MINDY3: variants seen among roughly 807,000 people sequenced by gnomAD.
MINDY3 encodes the protein MINDY lysine 48 deubiquitinase 3.
Under a neutral mutation model 69.2 loss-of-function variants are expected in MINDY3, and 38 were observed. The observed-to-expected ratio is 0.55, with a 90% CI of 0.42 to 0.72. The LOEUF (loss-of-function observed/expected upper bound fraction) is 0.72, where lower values mean the gene tolerates loss of function less well. Ranked by LOEUF, MINDY3 falls within the 30% of genes least tolerant of loss-of-function variation. The pLI is 0.00. For missense variants in MINDY3, 522 were observed against 519.0 expected (o/e 1.01, Z -0.06); for synonymous variants, 192 against 180.1 (o/e 1.07, Z -0.53).
chr10:15,817,864 G>A (rs1839482422), intron 9 of MINDY3: 1 of 152,138 alleles, frequency 6.6e-6, no homozygotes. Flanking sequence ...TTATCACTAG[G>A]AGGGAAGTGG....
intron 2 of MINDY3, among the ~76,000 whole-genome samples, chr10:15,846,402 C>T (rs1298133376): frequency 6.6e-6 from 1 of 152,126 alleles, no homozygotes; most frequent in Non-Finnish European, 1.5e-5. Context: ...AGGTAACATT[C>T]CTACTAGCAA....
At chr10:15,839,257 T>G (rs1247449954) in intron 4 of MINDY3, among the ~76,000 whole-genome samples, 3 of 151,680 alleles carry the variant, frequency 2.0e-5, no homozygotes, top group Non-Finnish European at 4.4e-5. Flanking sequence ...GTTTCATATT[T>G]CGTTTTAAAA....
At chr10:15,783,511 G>A (rs1361363960) in intron 13 of MINDY3, among the ~76,000 whole-genome samples, 1 of 151,864 alleles carries the variant, frequency 6.6e-6, no homozygotes, top group East Asian at 1.9e-4. Flanking sequence ...TCCAGACCTG[G>A]TTTAAATCTT....
At chr10:15,786,074 A>T (rs1380067200) in intron 13 of MINDY3, among the ~76,000 whole-genome samples, 2 of 152,184 alleles carry the variant, frequency 1.3e-5, no homozygotes, top group East Asian at 3.9e-4. Flanking sequence ...TGCCTCTGCT[A>T]TTCCAGGTAA....
chr10:15,802,554 C>A (rs775139361), intron 10 of MINDY3, among the ~76,000 whole-genome samples: 3 of 151,998 alleles, frequency 2.0e-5, no homozygotes, highest in African/African-American at 4.8e-5. Flanking sequence ...CCTTACTATG[C>A]GAGATGAGAT....
intron 5 of MINDY3, chr10:15,837,549 G>A (rs1449857710): frequency 1.4e-6 from 2 of 1,418,626 alleles, no homozygotes; most frequent in Admixed American, 4.2e-5. Flanking sequence ...TACTTGGCAG[G>A]GAACCTCTTC....
In MINDY3 at chr10:15,821,719, A is replaced by G; in HGVS notation, c.738T>C (p.Leu246=). Residue 246 remains leucine, a synonymous_variant, in exon 9 of 15, where the codon CTT becomes CTC. Coordinates refer to ENST00000277632, the MANE Select transcript of MINDY3 (RefSeq NM_024948.4). The part of the protein sequence containing the change: ...GDRECSGMKL[L]GIHEQAAVGF... ...CTACTGCTGCTTGTTCATGTATACC[A>G]AGAAGTTCTGCAAAAAACAACAACA... 6 of 1,611,800 alleles carry G rather than the reference A, an allele frequency of 3.7e-6. No homozygotes were observed. The highest frequency in any genetic ancestry group is 5.1e-6 in the Non-Finnish European group (6 of 1,179,256).
intron 4 of MINDY3, among the ~76,000 whole-genome samples, chr10:15,840,787 C>T (rs940909734): frequency 3.3e-5 from 5 of 151,468 alleles, no homozygotes; most frequent in Admixed American, 6.6e-5. Context: ...TGGCAGCTTT[C>T]GGGTCAATTA....
chr10:15,852,370 G>A (rs879789482), intron 1 of MINDY3, among the ~76,000 whole-genome samples: 4 of 152,150 alleles, frequency 2.6e-5, no homozygotes, highest in African/African-American at 7.2e-5. Context: ...TTTAGAAATC[G>A]GAGATGTAAG....
intron 8 of MINDY3, among the ~76,000 whole-genome samples, chr10:15,828,894 C>G (rs1840271449): frequency 6.6e-6 from 1 of 152,194 alleles, no homozygotes. Context: ...TAAATAGTTA[C>G]TCGTTGAAAA....
chr10:15,848,595 C>G (rs1172523809), intron 1 of MINDY3, among the ~76,000 whole-genome samples: 1 of 118,990 alleles, frequency 8.4e-6, no homozygotes, highest in Admixed American at 1.2e-4. Context: ...GATTGTGCCA[C>G]TGCACTCCAG....
intron 4 of MINDY3, among the ~76,000 whole-genome samples, chr10:15,840,057 T>C (rs1269397173): frequency 1.3e-5 from 2 of 151,794 alleles, no homozygotes; most frequent in African/African-American, 2.4e-5. Flanking sequence ...AAATGTTATA[T>C]AAAAAGATCT....
rs772992864 is a variant in MINDY3, at chr10:15,786,568, G to C, written c.1109C>G (p.Pro370Arg). Residue 370 changes from proline (P) to arginine (R), a missense_variant, in exon 13 of 15, where the codon CCT becomes CGT. Transcript: ENST00000277632. ...LLGPFLQEFFPDQGSSGPESF... is the reference protein window; with the variant it reads ...LLGPFLQEFFRDQGSSGPESF... ...TTTCCTCAACTATGTTACCTGATCA[G>C]GAAAAAATTCTTGAAGAAATGGGCC... 7 of 1,555,774 alleles carry C rather than the reference G, an allele frequency of 4.5e-6. No individual in the cohort carries two copies. In the East Asian group the frequency reaches 1.3e-4, roughly 30 times the overall value.
At chr10:15,793,742 A>T (rs1399372905) in intron 11 of MINDY3, among the ~76,000 whole-genome samples, 1 of 152,104 alleles carries the variant, frequency 6.6e-6, no homozygotes, top group Non-Finnish European at 1.5e-5. Flanking sequence ...AAAGAACAAA[A>T]ACAAGGATGA....
At chr10:15,828,209 G>T (rs977246894) in intron 8 of MINDY3, among the ~76,000 whole-genome samples, 1 of 152,170 alleles carries the variant, frequency 6.6e-6, no homozygotes, top group Non-Finnish European at 1.5e-5. Context: ...AATGAATGTG[G>T]TATATTTGTG....
chr10:15,843,329 T>C, intron 2 of MINDY3, 57 bp from the exon 3 acceptor site: 1 of 1,363,766 alleles, frequency 7.3e-7, no homozygotes, highest in Middle Eastern at 2.1e-4. Context: ...CATCATATCA[T>C]TCTTCAATTT....
At chr10:15,807,518 C>G (rs939986942) in intron 10 of MINDY3, among the ~76,000 whole-genome samples, 2 of 152,106 alleles carry the variant, frequency 1.3e-5, no homozygotes, top group Non-Finnish European at 2.9e-5. Context: ...ATTAACCATA[C>G]AAGACCTTTT....
chr10:15,810,064 T>A (rs896046288), intron 10 of MINDY3, among the ~76,000 whole-genome samples: 10 of 152,138 alleles, frequency 6.6e-5, no homozygotes, highest in African/African-American at 2.2e-4. Flanking sequence ...AAAAATCTCT[T>A]TTAATCCTAC....
At chr10:15,781,727 C>G (rs1008168924) in intron 14 of MINDY3, among the ~76,000 whole-genome samples, 1 of 152,114 alleles carries the variant, frequency 6.6e-6, no homozygotes, top group Non-Finnish European at 1.5e-5. Flanking sequence ...AAGCAAAGTA[C>G]TTAATACAAT....
Sources: allele counts gnomAD v4.1 joint callset (sites outside exome capture counted in the v4.1 genomes callset), GRCh38; gene constraint gnomAD v4.1.1; transcripts MANE v1.5; gene names NCBI Gene and HGNC (gene_info 2026-07-23, HGNC 2026-07-21).